Variants in MACROD2 observed in about 807,000 individuals in gnomAD.
MACROD2 encodes the protein ADP-ribose glycohydrolase MACROD2.
In MACROD2, 36 loss-of-function variants were observed where a neutral mutation model predicts 70.4. The observed-to-expected ratio is 0.51, with a 90% confidence interval of 0.39 to 0.68. MACROD2 has a LOEUF of 0.68. Ranked by LOEUF, MACROD2 falls within the 30% of genes least tolerant of loss-of-function variation. The probability of loss-of-function intolerance (pLI) is 0.00; values close to 1 mark genes in which losing one functional copy is unlikely to be tolerated. For synonymous variants in MACROD2, 172 were observed against 178.8 expected (o/e 0.96, Z 0.30); for missense variants, 496 against 538.4 (o/e 0.92, Z 0.78).
intron 11 of MACROD2, among the ~76,000 whole-genome samples, chr20:15,936,504 ATACTC>A (rs1177508804): frequency 2.0e-5 from 3 of 146,738 alleles, no homozygotes; most frequent in East Asian, 3.9e-4. Context: ...AACTATATAT[ATACTC>A]TATATATACA....
chr20:15,174,319 A>T (rs969955512), intron 5 of MACROD2, among the ~76,000 whole-genome samples: 7 of 152,238 alleles, frequency 4.6e-5, no homozygotes, highest in Non-Finnish European at 1.0e-4. Context: ...ATTGATTAAG[A>T]TAATAATCCA....
chr20:15,552,285 C>A (rs1162308919), intron 8 of MACROD2: 1 of 152,136 alleles, frequency 6.6e-6, no homozygotes, highest in Admixed American at 6.5e-5. Context: ...GTTTTCTTGA[C>A]CATTCTGAAA....
At chr20:15,084,227 C>T (rs981799099) in intron 5 of MACROD2, among the ~76,000 whole-genome samples, 3 of 151,792 alleles carry the variant, frequency 2.0e-5, no homozygotes, top group South Asian at 2.1e-4. Flanking sequence ...TCACCATTCC[C>T]GGCTAAATTT....
At chr20:14,756,208 T>A (rs1234467620) in intron 5 of MACROD2, among the ~76,000 whole-genome samples, 1 of 151,960 alleles carries the variant, frequency 6.6e-6, no homozygotes, top group Non-Finnish European at 1.5e-5. Flanking sequence ...TATGTCAAGC[T>A]TTTTTTTCAT....
At chr20:14,873,914 G>T (rs965694475) in intron 5 of MACROD2, among the ~76,000 whole-genome samples, 1 of 152,054 alleles carries the variant, frequency 6.6e-6, no homozygotes, top group African/African-American at 2.4e-5. Flanking sequence ...ATTCAGGATA[G>T]CATATTAAAC....
intron 7 of MACROD2, among the ~76,000 whole-genome samples, chr20:15,476,717 A>G (rs2047027267): frequency 6.6e-6 from 1 of 152,350 alleles, no homozygotes; most frequent in South Asian, 2.1e-4. Flanking sequence ...AACAGAGAAG[A>G]AAAACCAGCA....
At chr20:14,150,678 C>T (rs1278096829) in intron 3 of MACROD2, among the ~76,000 whole-genome samples, 4 of 151,572 alleles carry the variant, frequency 2.6e-5, no homozygotes, top group Non-Finnish European at 5.9e-5. Flanking sequence ...TATCTTCTTT[C>T]GGCTTTCTTT....
chr20:14,143,537 T>C (rs2054904305), intron 3 of MACROD2, among the ~76,000 whole-genome samples: 1 of 152,152 alleles, frequency 6.6e-6, no homozygotes, highest in Non-Finnish European at 1.5e-5. Context: ...GGAATTCCTG[T>C]TTGATGACCA....
rs558324613 is a variant in MACROD2 at position 15,629,686 on chromosome 20, C to T, written c.645+129839C>T. 9.2e-5 allele frequency among the ~76,000 whole-genome samples: 14 copies of T among 152,264 alleles called. No individual in the cohort carries two copies. In the East Asian group the frequency reaches 2.5e-3, roughly 27 times the overall value. Reference sequence around the variant, plus strand: ...TGGGAAATATACTTCCAGGTGAAAACTTGTTGAATTTTGGATATTTTGAGG... The same window carrying T: ...TGGGAAATATACTTCCAGGTGAAAATTTGTTGAATTTTGGATATTTTGAGG... On this transcript the variant is annotated intron_variant, in intron 8 of 17. Transcript: ENST00000684519.
At chr20:15,406,525 A>G (rs1320747708) in intron 6 of MACROD2, among the ~76,000 whole-genome samples, 1 of 152,218 alleles carries the variant, frequency 6.6e-6, no homozygotes, top group Non-Finnish European at 1.5e-5. Context: ...ATGTTATCTT[A>G]CAGGGTAATA....
chr20:15,516,642 T>C (rs767179965), intron 8 of MACROD2, among the ~76,000 whole-genome samples: 1 of 152,168 alleles, frequency 6.6e-6, no homozygotes, highest in Non-Finnish European at 1.5e-5. Flanking sequence ...CCTGGGGCTT[T>C]TTCTTTTCCT....
intron 8 of MACROD2, among the ~76,000 whole-genome samples, chr20:15,556,396 C>A (rs534123409): frequency 1.3e-5 from 2 of 151,166 alleles, no homozygotes; most frequent in Admixed American, 6.6e-5. Flanking sequence ...TTTTTTTTTC[C>A]CAAAATCTTT....
chr20:15,246,164 C>T (rs754987120), intron 6 of MACROD2, among the ~76,000 whole-genome samples: 12 of 152,160 alleles, frequency 7.9e-5, no homozygotes, highest in Non-Finnish European at 1.5e-4. Context: ...TTAAGTTTAA[C>T]CTCTTTGGAA....
At chr20:14,657,031 TCACA>T (rs1412655644) in intron 4 of MACROD2, among the ~76,000 whole-genome samples, 9 of 152,208 alleles carry the variant, frequency 5.9e-5, no homozygotes, top group Non-Finnish European at 1.0e-4. Context: ...ACACACAGAC[TCACA>T]CACTCTCACA....
chr20:15,223,439 G>C (rs2076878891), intron 5 of MACROD2, among the ~76,000 whole-genome samples: 1 of 152,062 alleles, frequency 6.6e-6, no homozygotes, highest in South Asian at 2.1e-4. Context: ...CTGTCCACAG[G>C]TTCCTGCCAC....
chr20:15,607,185 C>T (rs938052275), intron 8 of MACROD2, among the ~76,000 whole-genome samples: 1 of 152,110 alleles, frequency 6.6e-6, no homozygotes, highest in African/African-American at 2.4e-5. Flanking sequence ...AACTAACATA[C>T]AAGAAACTGA....
chr20:15,044,770 C>A (rs528100486), intron 5 of MACROD2, among the ~76,000 whole-genome samples: 1 of 152,260 alleles, frequency 6.6e-6, no homozygotes, highest in Admixed American at 6.5e-5. Context: ...GTTGCTACAG[C>A]CTTCCCACAT....
chr20:14,722,116 A>T (rs1447183002), intron 5 of MACROD2, among the ~76,000 whole-genome samples: 1 of 152,204 alleles, frequency 6.6e-6, no homozygotes, highest in Non-Finnish European at 1.5e-5. Flanking sequence ...GGCTCAGTTC[A>T]AGACTTCTTC....
At chr20:15,711,646 G>A (rs13433236) in intron 8 of MACROD2, among the ~76,000 whole-genome samples, 7,453 of 152,240 alleles carry the variant, frequency 0.049, 600 homozygotes, top group African/African-American at 0.17. Context: ...TGTGGCTTTT[G>A]AGCTTTGATT....
Sources: allele counts gnomAD v4.1 joint callset (sites outside exome capture counted in the v4.1 genomes callset), GRCh38; gene constraint gnomAD v4.1.1; transcripts MANE v1.5; gene names NCBI Gene and HGNC (gene_info 2026-07-23, HGNC 2026-07-21).